SF3B2: variants seen among roughly 807,000 people sequenced by gnomAD.
SF3B2 encodes the protein SAP 145.
SF3B2 carries 22 observed loss-of-function variants against 116.3 expected under a neutral mutation model. The ratio of observed to expected loss-of-function variants is 0.19; its 90% confidence interval spans 0.14 to 0.27. SF3B2 has a LOEUF of 0.27. SF3B2 is among the 10% of genes least tolerant of loss of function. SF3B2 has a pLI of 1.00. For missense variants in SF3B2, 767 were observed against 1,151.4 expected, an observed-to-expected ratio of 0.67 and a Z score of 4.83; for synonymous variants, 406 against 421.6, an observed-to-expected ratio of 0.96 and a Z score of 0.45.
At chr11:66,064,292 C>G (rs746285853) in intron 19 of SF3B2, among the ~76,000 whole-genome samples, 1 of 152,112 alleles carries the variant, frequency 6.6e-6, no homozygotes, top group Non-Finnish European at 1.5e-5. Flanking sequence ...CATTTTATCT[C>G]CAGTGTTGGT....
chr11:66,058,445 TG>T (rs1400704234), intron 9 of SF3B2, 40 bp downstream of exon 9: 1 of 1,484,650 alleles, frequency 6.7e-7, no homozygotes. Context: ...AGCCAGGAGA[TG>T]GGACTTGGGT....
intron 3 of SF3B2, chr11:66,053,932 C>T (rs1856943198): frequency 2.0e-5 from 3 of 150,606 alleles, no homozygotes; most frequent in African/African-American, 7.3e-5. Flanking sequence ...GTCTGTAATC[C>T]CAGCACTTTG....
Position 66,057,275 on chromosome 11 carries a change from C to T in SF3B2, c.677C>T (p.Pro226Leu), listed in dbSNP as rs1857015439. 1.3e-6 allele frequency: 2 copies of T among 1,599,878 alleles called. No individual in the cohort carries two copies. The highest frequency in any genetic ancestry group is 1.3e-5 in the African/African-American group (1 of 74,778). ...RTPLGPRVAA[P>L]VGPVGPTPTV... ...TTTTCCCGTCTCTTAGTAGCTGCTC[C>T]AGTGGGCCCAGTGGGCCCCACTCCT... Residue 226 changes from proline (P) to leucine (L), a missense_variant, in exon 7 of 22, where the codon CCA (proline) becomes CTA (leucine). By Grantham distance (98) the Pro-to-Leu change is moderately conservative. This residue lies in a region of SF3B2 where 455 missense variants were observed against 537.5 expected (regional missense o/e 0.85). Coordinates refer to ENST00000322535, the MANE Select transcript of SF3B2 (RefSeq NM_006842.3).
At chr11:66,065,431 C>T (rs575636956) in intron 19 of SF3B2, 21 of 152,252 alleles carry the variant, frequency 1.4e-4, no homozygotes, top group African/African-American at 5.1e-4. Flanking sequence ...AATTTGACTA[C>T]AATGTGCCTT....
rs761297605 is a variant in SF3B2, at chr11:66,068,683, C to A, written c.2626C>A (p.Arg876=). 3.1e-6 allele frequency: 5 copies of A among 1,613,778 alleles called. No homozygotes were observed. The highest frequency in any genetic ancestry group is 1.7e-5 in the Admixed American group (1 of 59,972). Residue 876 remains arginine (R), a synonymous_variant, in exon 22 of 22, where the codon CGG becomes AGG. Transcript: ENST00000322535. ...EHAAKQKQKK[R]KAQPQDSRGG... ...CTTTCTCCCTATACAGCAAAAAAAA[C>A]GGAAAGCTCAGCCCCAGGACAGCCG...
intron 7 of SF3B2, 31 bp from the exon 8 acceptor site, chr11:66,058,023 T>C (rs369871349): frequency 1.3e-5 from 19 of 1,497,972 alleles, no homozygotes; most frequent in Middle Eastern, 1.8e-4. Context: ...GGCACTGTGA[T>C]TTGCCTTCTC....
At chr11:66,054,954 G>C in intron 3 of SF3B2, 122 bp from the exon 4 acceptor site, 1 of 906,674 alleles carries the variant, frequency 1.1e-6, no homozygotes, top group Non-Finnish European at 1.7e-6. Context: ...CTCTCTTATG[G>C]AGTGGTAACT....
At position 66,056,908 on chromosome 11, in the gene SF3B2, C is replaced by T. The variant is rs745455612; in HGVS notation, c.620C>T (p.Pro207Leu). Residue 207 changes from proline to leucine, a missense_variant, in exon 6 of 22, where the codon CCA (proline) becomes CTA (leucine). Pro to Leu is a moderately conservative substitution (Grantham distance 98). This residue lies in a region of SF3B2 where 455 missense variants were observed against 537.5 expected (regional missense o/e 0.85). Coordinates refer to ENST00000322535, the MANE Select transcript of SF3B2 (RefSeq NM_006842.3). ...ATGGGCACCCCAGTCCCTCGGCCCC[C>T]ACAAGACATGGGCCAGATTGGTGTG... Reference protein sequence around the residue: ...AKMGTPVPRPPQDMGQIGVRT... With the variant: ...AKMGTPVPRPLQDMGQIGVRT... 93 of 1,614,176 alleles carry T rather than the reference C, an allele frequency of 5.8e-5. No individual in the cohort carries two copies. In the South Asian group the frequency reaches 9.4e-4, roughly 16 times the overall value.
At chr11:66,058,502 A>T in intron 9 of SF3B2, 97 bp downstream of exon 9, 1 of 945,648 alleles carries the variant, frequency 1.1e-6, no homozygotes, top group Non-Finnish European at 1.6e-6. Context: ...AATAGCTTCT[A>T]TTTTGTGCCA....
At chr11:66,062,814 A>G (rs1857120808) in intron 16 of SF3B2, among the ~76,000 whole-genome samples, 195 bp from the exon 17 acceptor site, 1 of 152,226 alleles carries the variant, frequency 6.6e-6, no homozygotes, top group Non-Finnish European at 1.5e-5. Flanking sequence ...CTGTCTCCTT[A>G]TCCTGTTGCC....
chr11:66,059,721 A>G lies in SF3B2; in HGVS notation c.1402-61A>G. On this transcript the variant is annotated intron_variant, in intron 12 of 21. Coordinates refer to ENST00000322535, the MANE Select transcript of SF3B2 (RefSeq NM_006842.3). This position sits in a 1 kb window ranked among gnomAD's most constrained non-coding sequence, Gnocchi z 5.0. ...TTTGGGTTTGGGTCCTTTGAGGAAGAAGAGCTTCAGAACTGAGAAGTCGGG... is the reference window on the plus strand; with the variant it reads ...TTTGGGTTTGGGTCCTTTGAGGAAGGAGAGCTTCAGAACTGAGAAGTCGGG... The G allele has an allele frequency of 6.2e-7, 1 of 1,602,284 alleles. No individual in the cohort carries two copies. The highest frequency in any genetic ancestry group is 8.5e-7 in the Non-Finnish European group (1 of 1,169,624).
chr11:66,052,425 A>T lies in SF3B2; in HGVS notation c.41A>T (p.Gln14Leu), dbSNP rs536594368. The change falls in exon 1 of 22, where the codon CAG becomes CTG. Residue 14 changes from glutamine to leucine, a missense_variant. Around this residue, in one of 4 missense-constraint regions of SF3B2, gnomAD observed 455 missense variants for 537.5 expected, o/e 0.85. Transcript: ENST00000322535. Reference sequence around the variant, plus strand: ...CCCGAGCCTCCCAAAGCAGAATTGCAGCTGCCGCCGCCGCCACCTCCAGGC... The same window carrying T: ...CCCGAGCCTCCCAAAGCAGAATTGCTGCTGCCGCCGCCGCCACCTCCAGGC... ...EHPEPPKAEL[Q>L]LPPPPPPGHY... The T allele has an allele frequency of 6.2e-7, 1 of 1,612,828 alleles. No individual in the cohort carries two copies. The highest frequency in any genetic ancestry group is 1.3e-5 in the African/African-American group (1 of 74,896).
Position 66,061,878 on chromosome 11 carries a change from CT to C in SF3B2, c.1870-8del, listed in dbSNP as rs909146616. ...GGTTTGGCAGATGGTATCCTGTTCT[CT>C]TTTTCCTGCAGAATGCCCACAAGGT... On this transcript the variant is annotated splice_polypyrimidine_tract_variant and intron_variant, in intron 15 of 21. Transcript: ENST00000322535. 1.9e-6 allele frequency: 3 copies of C among 1,611,268 alleles called. No individual in the cohort carries two copies. The highest frequency in any genetic ancestry group is 2.5e-6 in the Non-Finnish European group (3 of 1,177,856).
At chr11:66,062,203 C>G (rs1203408446) in intron 16 of SF3B2, among the ~76,000 whole-genome samples, 1 of 152,124 alleles carries the variant, frequency 6.6e-6, no homozygotes, top group East Asian at 1.9e-4. Context: ...ACATGCTCAT[C>G]ATAAAATATT....
rs554361219 is a variant in SF3B2, at chr11:66,053,235, G to A, written c.258+131G>A. Reference sequence around the variant, plus strand: ...GCACATTACTCGCCTGACCTGAGTGGGGAAAAAAAAAGATTCCATATGTTC... The same window carrying A: ...GCACATTACTCGCCTGACCTGAGTGAGGAAAAAAAAAGATTCCATATGTTC... On this transcript the variant is annotated intron_variant, in intron 3 of 21. Coordinates refer to ENST00000322535, the MANE Select transcript of SF3B2 (RefSeq NM_006842.3). 1.0e-5 allele frequency: 9 copies of A among 863,952 alleles called. No individual in the cohort carries two copies. The East Asian group carries it at 1.9e-4, about 19-fold the overall frequency. 53.5% of individuals were successfully genotyped at this position (863,952 alleles called of 1,614,324 possible).
chr11:66,060,383 G>A (rs1482227228), intron 13 of SF3B2, among the ~76,000 whole-genome samples, 199 bp from the exon 14 acceptor site: 1 of 152,160 alleles, frequency 6.6e-6, no homozygotes, highest in African/African-American at 2.4e-5. Flanking sequence ...TGATATACAC[G>A]GCTGAGGCTG....
chr11:66,063,239 C>T, intron 17 of SF3B2, 123 bp downstream of exon 17: 1 of 1,005,850 alleles, frequency 9.9e-7, no homozygotes, highest in Admixed American at 2.6e-5. Context: ...AAAGGGCATA[C>T]ATTTTCCTGA....
intron 20 of SF3B2, 28 bp downstream of exon 20, chr11:66,068,073 G>T (rs1431838517): frequency 6.2e-7 from 1 of 1,612,882 alleles, no homozygotes; most frequent in African/African-American, 1.3e-5. Context: ...ACTGCTTTTG[G>T]AGGCTGAGAA....
At chr11:66,060,462 G>A (rs1857082450) in intron 13 of SF3B2, 120 bp from the exon 14 acceptor site, 1 of 1,192,478 alleles carries the variant, frequency 8.4e-7, no homozygotes, top group African/African-American at 1.5e-5. Flanking sequence ...GAAGGATTTT[G>A]ATGACTTTCA....
Sources: allele counts gnomAD v4.1 joint callset (sites outside exome capture counted in the v4.1 genomes callset), GRCh38; gene constraint gnomAD v4.1.1; regional missense constraint gnomAD v4.1.1; non-coding constraint Gnocchi (gnomAD v3.1); transcripts MANE v1.5; gene names NCBI Gene and HGNC (gene_info 2026-07-23, HGNC 2026-07-21).